Variants in RTN4IP1 observed in about 807,000 individuals in gnomAD.
RTN4IP1 encodes the protein reticulon 4 interacting protein 1, also known as NAD(P)H oxidoreductase RTN4IP1, mitochondrial.
A neutral mutation model predicts 46.6 loss-of-function variants in RTN4IP1; 32 were observed. That is an observed-to-expected ratio of 0.69 (90% CI 0.52 to 0.92). The LOEUF (loss-of-function observed/expected upper bound fraction) is 0.92. RTN4IP1 is among the 40% of genes least tolerant of loss of function. The probability of loss-of-function intolerance (pLI) is 0.00; values close to 1 mark genes in which losing one functional copy is unlikely to be tolerated. For missense variants in RTN4IP1, 424 were observed against 485.8 expected (o/e 0.87, Z 1.20); for synonymous variants, 167 against 161.8 (o/e 1.03, Z -0.24).
intron 8 of RTN4IP1, among the ~76,000 whole-genome samples, chr6:106,577,447 CAAAAAA>C (rs58921891): frequency 1.8e-5 from 1 of 55,410 alleles, no homozygotes; most frequent in African/African-American, 7.9e-5. Context: ...GACCCTGTCT[CAAAAAA>C]AAAAAAAAAA....
At chr6:106,575,061 G>A (rs1775190863) in intron 8 of RTN4IP1, among the ~76,000 whole-genome samples, 1 of 152,228 alleles carries the variant, frequency 6.6e-6, no homozygotes, top group Non-Finnish European at 1.5e-5. Context: ...ATGAGACAGT[G>A]TCTATGTACA....
intron 4 of RTN4IP1, among the ~76,000 whole-genome samples, chr6:106,611,887 C>CA (rs1030394445): frequency 1.8e-4 from 27 of 152,144 alleles, no homozygotes; most frequent in African/African-American, 6.5e-4. Flanking sequence ...GTAAGGTGGC[C>CA]AGGGTAAGCC....
At chr6:106,622,177 G>A (rs1776501041) in intron 2 of RTN4IP1, among the ~76,000 whole-genome samples, 1 of 152,178 alleles carries the variant, frequency 6.6e-6, no homozygotes, top group African/African-American at 2.4e-5. Context: ...CCAAAAAAGT[G>A]ATGGTTCTAG....
intron 4 of RTN4IP1, among the ~76,000 whole-genome samples, chr6:106,606,970 AG>A (rs1776092414): frequency 1.3e-5 from 2 of 152,132 alleles, no homozygotes; most frequent in African/African-American, 4.8e-5. Flanking sequence ...ATAAAACAGC[AG>A]GAGGCATCAC....
intron 8 of RTN4IP1, among the ~76,000 whole-genome samples, chr6:106,574,791 G>A (rs534106772): frequency 9.9e-5 from 15 of 152,236 alleles, no homozygotes; most frequent in African/African-American, 2.9e-4. Flanking sequence ...AACCAAAACC[G>A]GCTGAACTGA....
At chr6:106,579,017 A>T (rs969607103) in intron 8 of RTN4IP1, among the ~76,000 whole-genome samples, 4 of 151,408 alleles carry the variant, frequency 2.6e-5, no homozygotes, top group African/African-American at 7.3e-5. Context: ...TGGGTGGATC[A>T]CGAGGTCAAG....
intron 4 of RTN4IP1, among the ~76,000 whole-genome samples, chr6:106,612,181 G>A (rs1413020407): frequency 6.6e-6 from 1 of 152,072 alleles, no homozygotes; most frequent in Non-Finnish European, 1.5e-5. Context: ...GAGGTCAGGT[G>A]TTCGAGACCA....
At chr6:106,606,351 C>T (rs545465907) in intron 4 of RTN4IP1, among the ~76,000 whole-genome samples, 132 of 152,118 alleles carry the variant, frequency 8.7e-4, no homozygotes, top group African/African-American at 2.9e-3. Context: ...CCCAGGAAGG[C>T]GGAGGTTGCA....
upstream of RTN4IP1, among the ~76,000 whole-genome samples, chr6:106,630,300 T>G (rs913516698): frequency 6.6e-6 from 1 of 152,178 alleles, no homozygotes; most frequent in Non-Finnish European, 1.5e-5. Context: ...TAATCGGTGT[T>G]GAAGTAATCA....
chr6:106,621,891 C>A (rs1394464453), intron 2 of RTN4IP1, among the ~76,000 whole-genome samples: 3 of 152,102 alleles, frequency 2.0e-5, no homozygotes, highest in Non-Finnish European at 4.4e-5. Context: ...AAAAAGCAAC[C>A]AGAACAGTGT....
chr6:106,571,949 G>GC lies in RTN4IP1; in HGVS notation c.*46dup. The stretch of plus-strand genomic sequence containing the variant: ...GCTAGAAAAAAATTTGGGCTCACAG[G>GC]CACTCACCAAATAAGAACGTCAACA... On this transcript the variant is annotated 3_prime_UTR_variant, in exon 9 of 9. Transcript: ENST00000369063. 1 of 1,418,708 alleles carries GC rather than the reference G, an allele frequency of 7.0e-7. No individual in the cohort carries two copies. The highest frequency in any genetic ancestry group is 9.9e-7 in the Non-Finnish European group (1 of 1,005,662). 87.9% of individuals were successfully genotyped at this position (1,418,708 alleles called of 1,614,324 possible).
chr6:106,611,200 C>A (rs542495027), intron 4 of RTN4IP1, among the ~76,000 whole-genome samples: 1 of 152,266 alleles, frequency 6.6e-6, no homozygotes, highest in African/African-American at 2.4e-5. Context: ...GGTTTCAACT[C>A]TCTCTCTAAT....
At chr6:106,595,251 C>T (rs1411771111) in intron 5 of RTN4IP1, among the ~76,000 whole-genome samples, 1 of 152,198 alleles carries the variant, frequency 6.6e-6, no homozygotes, top group Non-Finnish European at 1.5e-5. Flanking sequence ...ACACGTCGCT[C>T]TGTCCTCTGT....
chr6:106,575,754 T>C (rs1775211790), intron 8 of RTN4IP1, among the ~76,000 whole-genome samples: 1 of 152,198 alleles, frequency 6.6e-6, no homozygotes, highest in South Asian at 2.1e-4. Context: ...GATTGAGTGG[T>C]AAGTGCAAGG....
chr6:106,597,135 T>A (rs7741144), intron 5 of RTN4IP1, among the ~76,000 whole-genome samples: 2,910 of 152,318 alleles, frequency 0.019, 74 homozygotes, highest in African/African-American at 0.068. Flanking sequence ...TGTTGCTCAG[T>A]CTGGGTCCAT....
intron 1 of RTN4IP1, among the ~76,000 whole-genome samples, chr6:106,623,986 T>C (rs917937711): frequency 6.6e-6 from 1 of 152,216 alleles, no homozygotes; most frequent in Non-Finnish European, 1.5e-5. Context: ...TTGGAATAAA[T>C]TCCTGAGTGA....
Position 106,594,324 on chromosome 6 carries a change from G to A in RTN4IP1, c.670-2024C>T, listed in dbSNP as rs115050313. Among the ~76,000 whole-genome samples, 1,117 of 152,100 alleles carry A rather than the reference G, an allele frequency of 7.3e-3. 21 individuals are homozygous for A. Among genetic ancestry groups the A allele is most frequent in the African/African-American group, 0.024 (1,010 of 41,526 alleles). On this transcript the variant is annotated intron_variant, in intron 5 of 8. Coordinates refer to ENST00000369063, the MANE Select transcript of RTN4IP1 (RefSeq NM_032730.5). ...GGAGTCTGAGACCTGCCTAGGCAAC[G>A]TAGTGAAACCCCGTCTCTACTAAAA...
At chr6:106,613,010 G>A (rs1412969039) in intron 4 of RTN4IP1, among the ~76,000 whole-genome samples, 3 of 152,156 alleles carry the variant, frequency 2.0e-5, no homozygotes, top group Admixed American at 2.0e-4. Flanking sequence ...TTATATTCAA[G>A]TGCTATTTCT....
intron 5 of RTN4IP1, among the ~76,000 whole-genome samples, chr6:106,602,242 T>C (rs529465448): frequency 1.3e-5 from 2 of 152,252 alleles, no homozygotes; most frequent in East Asian, 1.9e-4. Flanking sequence ...TGATTCCACA[T>C]GCATTTTGGG....
Sources: allele counts gnomAD v4.1 joint callset (sites outside exome capture counted in the v4.1 genomes callset), GRCh38; gene constraint gnomAD v4.1.1; transcripts MANE v1.5; gene names NCBI Gene and HGNC (gene_info 2026-07-23, HGNC 2026-07-21).